Variants in CDH12 observed in about 807,000 individuals in gnomAD.
The protein encoded by CDH12 is cadherin 12, also known as cadherin-12.
In CDH12, 41 loss-of-function variants were observed where a neutral mutation model predicts 74.1. That is an observed-to-expected ratio of 0.55 (90% CI 0.43 to 0.72). CDH12 has a LOEUF of 0.72. Ranked by LOEUF, CDH12 falls within the 30% of genes least tolerant of loss-of-function variation. The pLI, the probability that CDH12 is intolerant of heterozygous loss-of-function variation, is 0.00. For synonymous variants in CDH12, 399 were observed against 355.0 expected (o/e 1.12, Z -1.39); for missense variants, 945 against 977.2 (o/e 0.97, Z 0.44).
chr5:22,610,959 C>T (rs777841497), intron 1 of CDH12, among the ~76,000 whole-genome samples: 8 of 152,064 alleles, frequency 5.3e-5, no homozygotes, highest in Non-Finnish European at 1.2e-4. Context: ...CAACATGACA[C>T]TGAATTCAAA....
intron 3 of CDH12, among the ~76,000 whole-genome samples, chr5:22,231,153 A>G (rs1459614863): frequency 2.0e-5 from 3 of 152,180 alleles, no homozygotes; most frequent in Non-Finnish European, 4.4e-5. Flanking sequence ...TTCTATTTTA[A>G]TGTGTATTTG....
chr5:21,988,343 T>G (rs1422067059), intron 5 of CDH12, among the ~76,000 whole-genome samples: 1 of 151,560 alleles, frequency 6.6e-6, no homozygotes, highest in Non-Finnish European at 1.5e-5. Context: ...AATACAAAAA[T>G]TAGCCAGGTG....
chr5:21,931,088 T>C (rs1754816210), intron 6 of CDH12, among the ~76,000 whole-genome samples: 1 of 152,204 alleles, frequency 6.6e-6, no homozygotes. Flanking sequence ...ACATAACTTT[T>C]AGCTGGATCA....
chr5:22,610,266 T>C (rs1486147963), intron 1 of CDH12, among the ~76,000 whole-genome samples: 2 of 152,188 alleles, frequency 1.3e-5, no homozygotes, highest in East Asian at 1.9e-4. Flanking sequence ...TCTTGGAAGA[T>C]AGGCTCTTAC....
intron 1 of CDH12, among the ~76,000 whole-genome samples, chr5:22,655,244 G>A (rs1049082321): frequency 6.6e-6 from 1 of 152,042 alleles, no homozygotes; most frequent in Non-Finnish European, 1.5e-5. Flanking sequence ...TTAGACGATG[G>A]CAACATCTTC....
Position 22,823,339 on chromosome 5 carries a change from A to T in CDH12, c.-523+29719T>A, listed in dbSNP as rs193272641. On this transcript the variant is annotated intron_variant, in intron 1 of 14. Coordinates refer to ENST00000382254, the MANE Select transcript of CDH12 (RefSeq NM_004061.5). ...CATGGCACATGTATACATATGTAAC[A>T]AACCTGCACATTGTGCACATCTATC... 5.2e-3 allele frequency among the ~76,000 whole-genome samples: 786 copies of T among 151,816 alleles called. 4 individuals are homozygous for T. Among genetic ancestry groups the T allele is most frequent in the Non-Finnish European group, 8.3e-3 (565 of 68,000 alleles).
chr5:22,456,429 A>G (rs577021607), intron 2 of CDH12, among the ~76,000 whole-genome samples: 1 of 152,096 alleles, frequency 6.6e-6, no homozygotes, highest in East Asian at 1.9e-4. Flanking sequence ...GGAACTTCAC[A>G]TGCTGATACT....
chr5:22,560,591 A>G (rs913343866), intron 1 of CDH12, among the ~76,000 whole-genome samples: 1 of 152,132 alleles, frequency 6.6e-6, no homozygotes, highest in Non-Finnish European at 1.5e-5. Flanking sequence ...AGATATTTAA[A>G]TTTTTAAATA....
Position 21,783,392 on chromosome 5 carries a change from C to T in CDH12, c.1359G>A (p.Ala453=), listed in dbSNP as rs371565243. 29 of 1,612,846 alleles carry T rather than the reference C, an allele frequency of 1.8e-5. No homozygotes were observed. Among genetic ancestry groups the T allele is most frequent in the Middle Eastern group, 1.6e-4 (1 of 6,078 alleles). The change falls in exon 11 of 15, where the codon GCG becomes GCA. Residue 453 remains alanine, a synonymous_variant. Transcript: ENST00000382254. ...TCGCAATTATGGAGAAATTATACTG[C>T]GCAGTGCTTTCTCTGTCTAGTAATT... ...TNELLDREST[A]QYNFSIIASK... is the part of the protein sequence containing the mutation.
At chr5:22,189,089 T>C (rs1000040305) in intron 4 of CDH12, among the ~76,000 whole-genome samples, 1 of 151,994 alleles carries the variant, frequency 6.6e-6, no homozygotes, top group African/African-American at 2.4e-5. Flanking sequence ...ATTTCTATTA[T>C]ACTCAGAAGC....
intron 4 of CDH12, among the ~76,000 whole-genome samples, chr5:22,109,596 G>T (rs1457050909): frequency 6.6e-6 from 1 of 152,158 alleles, no homozygotes; most frequent in African/African-American, 2.4e-5. Flanking sequence ...TCACAAGCAG[G>T]CTGACATCTT....
At chr5:22,020,267 A>G (rs1231914914) in intron 5 of CDH12, among the ~76,000 whole-genome samples, 1 of 152,118 alleles carries the variant, frequency 6.6e-6, no homozygotes, top group Non-Finnish European at 1.5e-5. Flanking sequence ...AAGAAGTCCA[A>G]TTATGGCTGG....
At chr5:22,684,789 G>A (rs1479918953) in intron 1 of CDH12, among the ~76,000 whole-genome samples, 2 of 152,148 alleles carry the variant, frequency 1.3e-5, no homozygotes, top group Non-Finnish European at 2.9e-5. Flanking sequence ...ACACACTTGT[G>A]CATATACACA....
chr5:22,612,084 T>C (rs1303797216), intron 1 of CDH12, among the ~76,000 whole-genome samples: 1 of 152,166 alleles, frequency 6.6e-6, no homozygotes, highest in Non-Finnish European at 1.5e-5. Context: ...CCCTTACTTA[T>C]TGGTTATATG....
chr5:22,673,394 T>C lies in CDH12; in HGVS notation c.-522-168030A>G, dbSNP rs1741005639. On this transcript the variant is annotated intron_variant, in intron 1 of 14. Transcript: ENST00000382254. ...TTTCTTGGTTTGTAAAAGATTGTGG[T>C]CTTAAATAGCTTGTCCTGGTTAATA... Among the ~76,000 whole-genome samples, 6 of 152,158 alleles carry C rather than the reference T, an allele frequency of 3.9e-5. No individual in the cohort carries two copies. In the South Asian group the frequency reaches 1.2e-3, roughly 31 times the overall value.
intron 6 of CDH12, among the ~76,000 whole-genome samples, chr5:21,894,303 C>T (rs534026445): frequency 6.7e-6 from 1 of 148,422 alleles, no homozygotes; most frequent in South Asian, 2.2e-4. Flanking sequence ...TGCTTGAACC[C>T]GGGAGGCGGA....
chr5:22,518,542 A>G (rs1736902024), intron 1 of CDH12, among the ~76,000 whole-genome samples: 1 of 152,202 alleles, frequency 6.6e-6, no homozygotes, highest in Non-Finnish European at 1.5e-5. Flanking sequence ...AATGAGAAAG[A>G]TTATTGTTTT....
At chr5:22,224,330 CAAATTGAGGCTAACAT>C (rs1257351445) in intron 3 of CDH12, among the ~76,000 whole-genome samples, 3 of 151,972 alleles carry the variant, frequency 2.0e-5, no homozygotes, top group Non-Finnish European at 4.4e-5. Context: ...ATTTTACTGA[CAAATTGAGGCTAACAT>C]AAATTATGAT....
chr5:22,265,735 G>A (rs1321297962), intron 3 of CDH12, among the ~76,000 whole-genome samples: 2 of 152,108 alleles, frequency 1.3e-5, no homozygotes, highest in Non-Finnish European at 2.9e-5. Context: ...ACTCTCCTCT[G>A]AGCAATATCC....
Sources: allele counts gnomAD v4.1 joint callset (sites outside exome capture counted in the v4.1 genomes callset), GRCh38; gene constraint gnomAD v4.1.1; transcripts MANE v1.5; gene names NCBI Gene and HGNC (gene_info 2026-07-23, HGNC 2026-07-21).